The following DRC11 variants were observed in gnomAD, a reference collection of about 807,000 sequenced individuals.
DRC11 encodes the protein IQ and AAA domain-containing protein 1.
the DRC11 span, among the ~76,000 whole-genome samples, chr2:236,496,555 C>T: frequency 6.6e-6 from 1 of 152,152 alleles, no homozygotes; most frequent in African/African-American, 2.4e-5. This position sits in a 1 kb window ranked among gnomAD's most constrained non-coding sequence, Gnocchi z 6.3. Context: ...GGGCCGAATG[C>T]TCGCAGGAGG....
At chr2:236,467,951 G>A in the DRC11 span, among the ~76,000 whole-genome samples, 1 of 152,108 alleles carries the variant, frequency 6.6e-6, no homozygotes, top group African/African-American at 2.4e-5. Context: ...TCACAATGAA[G>A]ATGTCATTAA....
At chr2:236,487,965 C>G in the DRC11 span, 1 of 1,473,304 alleles carries the variant, frequency 6.8e-7, no homozygotes, top group Non-Finnish European at 9.0e-7. Context: ...TATAAGGCAC[C>G]TTGTACCCCA....
chr2:236,491,218 A>T, the DRC11 span, among the ~76,000 whole-genome samples: 18 of 42,590 alleles, frequency 4.2e-4, 1 homozygote, highest in Non-Finnish European at 6.3e-4. Context: ...ATATACACAC[A>T]GTATATATAT....
At chr2:236,382,832 T>G in the DRC11 span, among the ~76,000 whole-genome samples, 2,092 of 152,284 alleles carry the variant, frequency 0.014, 16 homozygotes, top group Non-Finnish European at 0.021. Context: ...AGTTTGTAGA[T>G]TCCTTGGGAT....
At chr2:236,361,371 CAAAG>C in the DRC11 span, among the ~76,000 whole-genome samples, 1 of 151,928 alleles carries the variant, frequency 6.6e-6, no homozygotes, top group Non-Finnish European at 1.5e-5. The surrounding 1 kb of genome is among the most constrained non-coding windows in gnomAD (Gnocchi z 5.7). Context: ...TTGACAGAGA[CAAAG>C]AGAGTACTAA....
the DRC11 span, among the ~76,000 whole-genome samples, chr2:236,365,424 T>C: frequency 6.6e-6 from 1 of 151,630 alleles, no homozygotes; most frequent in Non-Finnish European, 1.5e-5. This position sits in a 1 kb window ranked among gnomAD's most constrained non-coding sequence, Gnocchi z 7.4. Flanking sequence ...GCAGGCTTCA[T>C]GTGGGGCCGG....
chr2:236,324,663 T>C, the DRC11 span: 1 of 1,346,020 alleles, frequency 7.4e-7, no homozygotes, highest in East Asian at 2.4e-5. This position sits in a 1 kb window ranked among gnomAD's most constrained non-coding sequence, Gnocchi z 5.7. Flanking sequence ...CATTACTTTT[T>C]CTTTTTTGCC....
At chr2:236,419,194 G>C in the DRC11 span, 1 of 1,540,616 alleles carries the variant, frequency 6.5e-7, no homozygotes, top group Non-Finnish European at 8.7e-7. The surrounding 1 kb of genome is among the most constrained non-coding windows in gnomAD (Gnocchi z 4.8). Flanking sequence ...TGGCTTTCTT[G>C]GGTTGTTTTT....
At chr2:236,441,050 G>C in the DRC11 span, 1 of 1,540,864 alleles carries the variant, frequency 6.5e-7, no homozygotes, top group East Asian at 2.4e-5. Context: ...CTGTTGTATG[G>C]TCTTGTCAGA....
the DRC11 span, among the ~76,000 whole-genome samples, chr2:236,338,988 C>T: frequency 6.6e-6 from 1 of 152,200 alleles, no homozygotes; most frequent in African/African-American, 2.4e-5. Context: ...GGAGTCAGAT[C>T]TGACCATGTT....
At chr2:236,504,267 C>T in the DRC11 span, among the ~76,000 whole-genome samples, 7 of 152,216 alleles carry the variant, frequency 4.6e-5, no homozygotes, top group Admixed American at 4.6e-4. This position sits in a 1 kb window ranked among gnomAD's most constrained non-coding sequence, Gnocchi z 5.0. Context: ...TCCACACTGT[C>T]GCATACTTTG....
chr2:236,387,822 A>C, the DRC11 span, among the ~76,000 whole-genome samples: 1 of 151,890 alleles, frequency 6.6e-6, no homozygotes, highest in African/African-American at 2.4e-5. Context: ...TTCCATGTTT[A>C]GTGCTTCCTT....
chr2:236,354,935 C>G, the DRC11 span, among the ~76,000 whole-genome samples: 1 of 152,226 alleles, frequency 6.6e-6, no homozygotes, highest in Non-Finnish European at 1.5e-5. Flanking sequence ...ACGGCAGCCT[C>G]TGACACAGCT....
At chr2:236,446,651 C>T in the DRC11 span, among the ~76,000 whole-genome samples, 13 of 152,208 alleles carry the variant, frequency 8.5e-5, no homozygotes, top group African/African-American at 3.1e-4. This position sits in a 1 kb window ranked among gnomAD's most constrained non-coding sequence, Gnocchi z 6.2. Flanking sequence ...TGCCTGGGAC[C>T]CACAGGCCGA....
At chr2:236,388,769 T>C in the DRC11 span, among the ~76,000 whole-genome samples, 6 of 148,128 alleles carry the variant, frequency 4.1e-5, no homozygotes, top group South Asian at 2.2e-4. Context: ...TTTTCTGTTC[T>C]GTTTTTTCCC....
the DRC11 span, among the ~76,000 whole-genome samples, chr2:236,486,274 T>G: frequency 6.6e-6 from 1 of 152,218 alleles, no homozygotes; most frequent in Non-Finnish European, 1.5e-5. This position sits in a 1 kb window ranked among gnomAD's most constrained non-coding sequence, Gnocchi z 5.7. Flanking sequence ...ACCTCAGCCC[T>G]GGCTGACACC....
chr2:236,367,440 A>G, the DRC11 span: 1 of 151,842 alleles, frequency 6.6e-6, no homozygotes, highest in African/African-American at 2.4e-5. The surrounding 1 kb of genome is among the most constrained non-coding windows in gnomAD (Gnocchi z 4.8). Flanking sequence ...AAGTGGAACA[A>G]TAAGGGTTTG....
the DRC11 span, among the ~76,000 whole-genome samples, chr2:236,489,898 T>C: frequency 2.6e-5 from 4 of 152,152 alleles, no homozygotes; most frequent in Admixed American, 6.5e-5. Context: ...GCATTGTGGC[T>C]TGGGCAACAG....
chr2:236,342,127 C>T, the DRC11 span, among the ~76,000 whole-genome samples: 1 of 152,196 alleles, frequency 6.6e-6, no homozygotes. The surrounding 1 kb of genome is among the most constrained non-coding windows in gnomAD (Gnocchi z 5.8). Context: ...AGGGTGCATT[C>T]AGTCACTGGA....
Sources: allele counts gnomAD v4.1 joint callset (sites outside exome capture counted in the v4.1 genomes callset), GRCh38; gene constraint gnomAD v4.1.1; non-coding constraint Gnocchi (gnomAD v3.1); transcripts MANE v1.5; gene names NCBI Gene and HGNC (gene_info 2026-07-23, HGNC 2026-07-21).